Variants in RASGRF2 observed in about 807,000 individuals in gnomAD.
The protein encoded by RASGRF2 is Ras protein specific guanine nucleotide releasing factor 2.
Under a neutral mutation model 151.0 loss-of-function variants are expected in RASGRF2, and 76 were observed. That is an observed-to-expected ratio of 0.50 (90% CI 0.42 to 0.61). The LOEUF is 0.61. Among genes scored for constraint, RASGRF2 ranks in the 20% least tolerant of loss-of-function variants. The pLI is 0.00. For synonymous variants in RASGRF2, 504 were observed against 566.5 expected, an observed-to-expected ratio of 0.89 and a Z score of 1.57; for missense variants, 1,148 against 1,564.6, an observed-to-expected ratio of 0.73 and a Z score of 4.49.
At chr5:81,099,045 T>C (rs1040018813) in intron 12 of RASGRF2, among the ~76,000 whole-genome samples, 5 of 152,222 alleles carry the variant, frequency 3.3e-5, no homozygotes, top group African/African-American at 9.6e-5. Context: ...ACGTGAGGAC[T>C]GTTTTTAAAT....
chr5:81,033,707 C>A (rs1254851999), intron 1 of RASGRF2, among the ~76,000 whole-genome samples: 1 of 152,106 alleles, frequency 6.6e-6, no homozygotes, highest in Admixed American at 6.6e-5. Context: ...AGAAGAAAAC[C>A]TAGGCAGTAC....
At chr5:81,218,283 C>G (rs1404519426) in intron 25 of RASGRF2, among the ~76,000 whole-genome samples, 1 of 152,144 alleles carries the variant, frequency 6.6e-6, no homozygotes, top group Non-Finnish European at 1.5e-5. Context: ...AAACCAATGT[C>G]TAGAAGGGTT....
At chr5:81,075,704 T>C (rs1751917934) in intron 5 of RASGRF2, among the ~76,000 whole-genome samples, 1 of 152,200 alleles carries the variant, frequency 6.6e-6, no homozygotes, top group Non-Finnish European at 1.5e-5. Flanking sequence ...AAGATGACTT[T>C]TCTCTTGGAT....
intron 1 of RASGRF2, 56 bp downstream of exon 1, chr5:80,961,082 C>G (rs548661375): frequency 2.2e-6 from 3 of 1,393,506 alleles, no homozygotes; most frequent in Non-Finnish European, 1.9e-6. Flanking sequence ...ACTCCCTTGC[C>G]GTCCTAATCC....
chr5:81,067,563 T>G (rs1269587078), intron 2 of RASGRF2, among the ~76,000 whole-genome samples: 1 of 152,184 alleles, frequency 6.6e-6, no homozygotes, highest in African/African-American at 2.4e-5. Flanking sequence ...ACATAATAGA[T>G]TTTTTCCAGT....
chr5:81,018,057 C>G (rs62367397), intron 1 of RASGRF2, among the ~76,000 whole-genome samples: 4,862 of 151,634 alleles, frequency 0.032, 86 homozygotes, highest in South Asian at 0.075. Context: ...TGCAGTGAGC[C>G]AAGATCGCGC....
intron 2 of RASGRF2, among the ~76,000 whole-genome samples, chr5:81,061,997 CA>C (rs34991044): frequency 0.39 from 17,163 of 43,712 alleles, 1,418 homozygotes; most frequent in Admixed American, 0.48. Context: ...TCCCAGCTGA[CA>C]AAAAAAAAAA....
At chr5:81,212,621 G>A in intron 23 of RASGRF2, 58 bp downstream of exon 23, 1 of 1,439,862 alleles carries the variant, frequency 6.9e-7, no homozygotes, top group Non-Finnish European at 9.3e-7. Context: ...TGGGAGATGG[G>A]AGCCAAGTTA....
intron 2 of RASGRF2, among the ~76,000 whole-genome samples, chr5:81,050,180 A>G (rs529177708): frequency 6.6e-6 from 1 of 152,218 alleles, no homozygotes; most frequent in East Asian, 1.9e-4. Context: ...GCAGGCCATC[A>G]ACACTGATTG....
intron 24 of RASGRF2, 29 bp from the exon 25 acceptor site, chr5:81,217,327 T>C: frequency 6.3e-7 from 1 of 1,580,724 alleles, no homozygotes; most frequent in Non-Finnish European, 8.6e-7. Flanking sequence ...TTCAAATGAG[T>C]CTCAGAACAG....
intron 25 of RASGRF2, among the ~76,000 whole-genome samples, chr5:81,218,354 T>C (rs1205701902): frequency 6.6e-6 from 1 of 152,226 alleles, no homozygotes; most frequent in Non-Finnish European, 1.5e-5. Flanking sequence ...GTCTTTAATC[T>C]ATCTTGAGTT....
chr5:81,048,318 CTTTGCCTTCATA>C (rs1397272170), intron 2 of RASGRF2, among the ~76,000 whole-genome samples: 2 of 151,994 alleles, frequency 1.3e-5, no homozygotes, highest in Non-Finnish European at 1.5e-5. Flanking sequence ...TCTGTCAGGG[CTTTGCCTTCATA>C]TTTGCCACAA....
At chr5:81,015,515 AT>A (rs1333853604) in intron 1 of RASGRF2, among the ~76,000 whole-genome samples, 1 of 151,832 alleles carries the variant, frequency 6.6e-6, no homozygotes, top group Non-Finnish European at 1.5e-5. Flanking sequence ...ATTATCAGTG[AT>A]TTTTTTTCAC....
Position 81,155,607 on chromosome 5 carries a change from G to A in RASGRF2, c.2687-24568G>A, listed in dbSNP as rs149448547. Among the ~76,000 whole-genome samples, 544 of 141,142 alleles carry A rather than the reference G, an allele frequency of 3.9e-3. 4 individuals carry two copies. The highest frequency in any genetic ancestry group is 0.015 in the African/African-American group (527 of 34,074). The allele number at this position is 141,142 out of a possible 152,430, so 92.6% of individuals were successfully genotyped here. On this transcript the variant is annotated intron_variant, in intron 17 of 26. Coordinates refer to ENST00000265080, the MANE Select transcript of RASGRF2 (RefSeq NM_006909.3). ...AAATGTTCTGTCCAACCAAACCCAT[G>A]CCCAAAACTGGCAGCAGTGGAGTCC...
chr5:81,126,993 A>C, intron 16 of RASGRF2, 81 bp from the exon 17 acceptor site: 1 of 1,476,876 alleles, frequency 6.8e-7, no homozygotes, highest in Non-Finnish European at 9.4e-7. Flanking sequence ...CATCTGGTGC[A>C]GGAAGAAAAA....
chr5:81,204,776 C>T (rs1216611267), intron 19 of RASGRF2, among the ~76,000 whole-genome samples: 1 of 152,200 alleles, frequency 6.6e-6, no homozygotes, highest in Non-Finnish European at 1.5e-5. Flanking sequence ...TCAAACCCCA[C>T]ATAGCATCAA....
At chr5:81,120,409 T>G (rs1042094867) in intron 15 of RASGRF2, among the ~76,000 whole-genome samples, 1 of 151,852 alleles carries the variant, frequency 6.6e-6, no homozygotes, top group African/African-American at 2.4e-5. Flanking sequence ...AGACCTTGTC[T>G]CTACTAAAAA....
intron 7 of RASGRF2, 25 bp from the exon 8 acceptor site, chr5:81,085,777 C>A: frequency 6.2e-7 from 1 of 1,613,724 alleles, no homozygotes; most frequent in South Asian, 1.1e-5. Context: ...ATGTCTTGCT[C>A]ATACTGGCCT....
intron 2 of RASGRF2, among the ~76,000 whole-genome samples, chr5:81,052,695 G>A (rs149445348): frequency 1.3e-5 from 2 of 152,278 alleles, no homozygotes; most frequent in East Asian, 3.9e-4. Context: ...ACCAGAAACA[G>A]TATGTGACAG....
Sources: gnomAD v4.1 joint callset for allele counts (sites outside exome capture counted in the v4.1 genomes callset) on GRCh38, gnomAD v4.1.1 for gene constraint, MANE v1.5 for transcripts, NCBI Gene and HGNC (gene_info 2026-07-23, HGNC 2026-07-21) for gene names.